Variants in LARGE1 observed in about 807,000 individuals in gnomAD.
The protein encoded by LARGE1 is xylosyl- and glucuronyltransferase LARGE1.
Under a neutral mutation model 87.6 loss-of-function variants are expected in LARGE1, and 43 were observed. The ratio of observed to expected loss-of-function variants is 0.49; its 90% confidence interval spans 0.38 to 0.63. The LOEUF (loss-of-function observed/expected upper bound fraction) is 0.63. Among genes scored for constraint, LARGE1 ranks in the 30% least tolerant of loss-of-function variants. The probability of loss-of-function intolerance (pLI) is 0.00; values close to 1 mark genes in which losing one functional copy is unlikely to be tolerated. For missense variants in LARGE1, 802 were observed against 1,000.2 expected, an observed-to-expected ratio of 0.80 and a Z score of 2.67; for synonymous variants, 434 against 394.6, an observed-to-expected ratio of 1.10 and a Z score of -1.18.
chr22:33,437,986 G>A (rs971944899), intron 6 of LARGE1, among the ~76,000 whole-genome samples: 10 of 151,990 alleles, frequency 6.6e-5, no homozygotes, highest in African/African-American at 2.4e-4. Context: ...ATCCCTTCCA[G>A]CACTGCAGCC....
intron 1 of LARGE1, among the ~76,000 whole-genome samples, chr22:33,837,222 C>CATAT (rs147768340): frequency 1.4e-5 from 2 of 147,956 alleles, no homozygotes; most frequent in African/African-American, 2.5e-5. Flanking sequence ...CATGCCACTC[C>CATAT]ATATATATAT....
chr22:33,223,983 C>G (rs1925589458), intron 11 of LARGE1, among the ~76,000 whole-genome samples: 1 of 152,158 alleles, frequency 6.6e-6, no homozygotes, highest in Admixed American at 6.6e-5. Context: ...AACAGCCTAG[C>G]ACAGTGAGGG....
chr22:33,345,963 T>A (rs1939696046), intron 9 of LARGE1, among the ~76,000 whole-genome samples: 1 of 152,314 alleles, frequency 6.6e-6, no homozygotes, highest in Admixed American at 6.5e-5. Context: ...TCTTCCAAGT[T>A]ACTGGGATAA....
At chr22:33,683,066 AAC>A (rs1199090364) in intron 2 of LARGE1, among the ~76,000 whole-genome samples, 1 of 152,266 alleles carries the variant, frequency 6.6e-6, no homozygotes, top group African/African-American at 2.4e-5. Flanking sequence ...TTTATTTTAT[AAC>A]ACCATAAGAT....
chr22:33,435,905 C>T (rs2067253194), intron 6 of LARGE1, among the ~76,000 whole-genome samples: 1 of 152,162 alleles, frequency 6.6e-6, no homozygotes, highest in East Asian at 1.9e-4. Flanking sequence ...ACAGAATAAT[C>T]AGCAGCTACT....
At chr22:33,738,173 CGAGT>C (rs752169474) in intron 2 of LARGE1, among the ~76,000 whole-genome samples, 19 of 152,098 alleles carry the variant, frequency 1.2e-4, no homozygotes, top group Non-Finnish European at 2.6e-4. Flanking sequence ...GGAATCCCTC[CGAGT>C]AAGAAGATTG....
At chr22:33,305,830 TTC>T (rs1375368625) in intron 11 of LARGE1, among the ~76,000 whole-genome samples, 7 of 118,682 alleles carry the variant, frequency 5.9e-5, no homozygotes, top group African/African-American at 3.0e-4. Flanking sequence ...CCAGAAACAT[TTC>T]TTTTTCTTTT....
intron 1 of LARGE1, among the ~76,000 whole-genome samples, chr22:33,882,035 G>GGT (rs149505525): frequency 6.9e-6 from 1 of 144,228 alleles, no homozygotes; most frequent in African/African-American, 2.6e-5. Flanking sequence ...TTTTGTTTTT[G>GGT]TTTTTTTTTG....
the LARGE1 span, among the ~76,000 whole-genome samples, chr22:33,114,376 A>G: frequency 6.6e-6 from 1 of 152,184 alleles, no homozygotes; most frequent in Non-Finnish European, 1.5e-5. Context: ...AAAAGAACGG[A>G]CTTCCCAGGG....
At chr22:33,256,541 G>C (rs547999871) in intron 11 of LARGE1, among the ~76,000 whole-genome samples, 1 of 152,110 alleles carries the variant, frequency 6.6e-6, no homozygotes, top group Non-Finnish European at 1.5e-5. Flanking sequence ...AAGTGCTTGG[G>C]AACATAATAA....
At chr22:33,721,542 A>G (rs2083097648) in intron 2 of LARGE1, among the ~76,000 whole-genome samples, 1 of 152,232 alleles carries the variant, frequency 6.6e-6, no homozygotes, top group African/African-American at 2.4e-5. Flanking sequence ...ATGAGCATAA[A>G]AGGGCAACAC....
chr22:33,678,999 C>T (rs996800163), intron 2 of LARGE1, among the ~76,000 whole-genome samples: 3 of 152,200 alleles, frequency 2.0e-5, no homozygotes, highest in Non-Finnish European at 4.4e-5. Flanking sequence ...ATAGCAAGCC[C>T]GGATCCCTTC....
At chr22:33,719,344 GCA>G (rs1462717765) in intron 2 of LARGE1, among the ~76,000 whole-genome samples, 1 of 152,016 alleles carries the variant, frequency 6.6e-6, no homozygotes, top group African/African-American at 2.4e-5. Context: ...GCATAAGTGC[GCA>G]GTGTTTAGAA....
Position 33,882,320 on chromosome 22 carries a change from G to A in LARGE1, c.-83+37675C>T, listed in dbSNP as rs567711738. Among the ~76,000 whole-genome samples the A allele has an allele frequency of 4.6e-5, 7 of 152,228 alleles. No homozygotes were observed. The East Asian group carries it at 9.7e-4, about 21-fold the overall frequency. On this transcript the variant is annotated intron_variant, in intron 1 of 14. Transcript: ENST00000397394. Reference sequence around the variant, plus strand: ...GCTGGGATTACAGGCTTGAGCCACCGCACCCGGCCAATTCTCTTTGCCTTC... The same window carrying A: ...GCTGGGATTACAGGCTTGAGCCACCACACCCGGCCAATTCTCTTTGCCTTC...
At chr22:33,501,514 C>T (rs772202814) in intron 6 of LARGE1, among the ~76,000 whole-genome samples, 3 of 152,180 alleles carry the variant, frequency 2.0e-5, no homozygotes, top group Non-Finnish European at 4.4e-5. Context: ...GGGAGATGGG[C>T]TGGTTTCCCT....
intron 6 of LARGE1, among the ~76,000 whole-genome samples, chr22:33,470,313 G>A (rs2068777615): frequency 6.6e-6 from 1 of 152,086 alleles, no homozygotes; most frequent in Non-Finnish European, 1.5e-5. Context: ...AATACATCAT[G>A]GCATTATTAT....
intron 6 of LARGE1, among the ~76,000 whole-genome samples, chr22:33,533,659 G>A (rs867967155): frequency 1.3e-5 from 2 of 152,156 alleles, no homozygotes; most frequent in African/African-American, 2.4e-5. Flanking sequence ...ATGTATGTTT[G>A]TGTTTATTTC....
At chr22:33,106,443 A>T in the LARGE1 span, among the ~76,000 whole-genome samples, 1 of 152,204 alleles carries the variant, frequency 6.6e-6, no homozygotes, top group East Asian at 1.9e-4. Context: ...CGGAAATTCA[A>T]TTCTGTTACC....
chr22:33,797,593 C>A (rs554816575), intron 1 of LARGE1, among the ~76,000 whole-genome samples: 106 of 152,148 alleles, frequency 7.0e-4, no homozygotes, highest in Non-Finnish European at 1.4e-3. Flanking sequence ...CCTAGGAAAC[C>A]GCAGGAGACA....
Sources: gnomAD v4.1 joint callset for allele counts (sites outside exome capture counted in the v4.1 genomes callset) on GRCh38, gnomAD v4.1.1 for gene constraint, MANE v1.5 for transcripts, NCBI Gene and HGNC (gene_info 2026-07-23, HGNC 2026-07-21) for gene names.